ERC2: variants seen among roughly 807,000 people sequenced by gnomAD.
ERC2 encodes ERC protein 2.
A neutral mutation model predicts 114.8 loss-of-function variants in ERC2; 42 were observed. The ratio of observed to expected loss-of-function variants is 0.37; its 90% CI spans 0.29 to 0.47. The LOEUF is 0.47. Ranked by LOEUF, ERC2 falls within the 20% of genes least tolerant of loss-of-function variation. The pLI is 0.99. For missense variants in ERC2, 939 were observed against 1,150.7 expected, an observed-to-expected ratio of 0.82 and a Z score of 2.66; for synonymous variants, 454 against 425.5, an observed-to-expected ratio of 1.07 and a Z score of -0.82.
At chr3:56,316,017 T>C (rs1219482161) in intron 2 of ERC2, among the ~76,000 whole-genome samples, 1 of 152,094 alleles carries the variant, frequency 6.6e-6, no homozygotes, top group East Asian at 1.9e-4. Flanking sequence ...CTATTAGTCC[T>C]GGGTTACATA....
chr3:56,126,004 T>G (rs748346996), intron 6 of ERC2, among the ~76,000 whole-genome samples: 1 of 152,222 alleles, frequency 6.6e-6, no homozygotes, highest in African/African-American at 2.4e-5. Flanking sequence ...ATGAACTCCA[T>G]GTACCCAATT....
intron 2 of ERC2, among the ~76,000 whole-genome samples, chr3:56,404,128 T>A (rs2060621895): frequency 6.6e-6 from 1 of 152,224 alleles, no homozygotes; most frequent in Non-Finnish European, 1.5e-5. Context: ...TGTTCTCAAA[T>A]ATATTCCATG....
chr3:55,588,149 G>T (rs1287015797), intron 17 of ERC2, among the ~76,000 whole-genome samples: 1 of 152,054 alleles, frequency 6.6e-6, no homozygotes, highest in African/African-American at 2.4e-5. Flanking sequence ...AAACATCAGG[G>T]TCGTTTCCTG....
At chr3:56,260,119 A>G (rs1018353667) in intron 3 of ERC2, among the ~76,000 whole-genome samples, 5 of 151,938 alleles carry the variant, frequency 3.3e-5, no homozygotes, top group Non-Finnish European at 7.4e-5. Flanking sequence ...TTCTCATTCC[A>G]CCTTTCCAGC....
chr3:56,091,539 T>G (rs2077790701), intron 6 of ERC2, among the ~76,000 whole-genome samples: 2 of 152,166 alleles, frequency 1.3e-5, no homozygotes, highest in African/African-American at 4.8e-5. Context: ...GATCTACATG[T>G]GGATGGGCAG....
chr3:56,170,605 T>G (rs868426888), intron 4 of ERC2, among the ~76,000 whole-genome samples: 1 of 141,298 alleles, frequency 7.1e-6, no homozygotes, highest in Non-Finnish European at 1.5e-5. Context: ...TTTTTTTTTT[T>G]TTTTTTTTTG....
At chr3:56,426,381 A>G (rs1252247586) in intron 2 of ERC2, among the ~76,000 whole-genome samples, 1 of 152,288 alleles carries the variant, frequency 6.6e-6, no homozygotes, top group African/African-American at 2.4e-5. Context: ...CTCCTGAAGC[A>G]GAGCAGCCTT....
intron 2 of ERC2, among the ~76,000 whole-genome samples, chr3:56,388,530 C>T (rs1471001781): frequency 1.3e-5 from 2 of 152,150 alleles, no homozygotes; most frequent in Non-Finnish European, 2.9e-5. Flanking sequence ...TACCCAGTCT[C>T]AGGTGTTTCT....
intron 1 of ERC2, among the ~76,000 whole-genome samples, chr3:56,456,648 T>C (rs1367888878): frequency 6.6e-6 from 1 of 152,218 alleles, no homozygotes; most frequent in Non-Finnish European, 1.5e-5. Context: ...CTAGCCATAT[T>C]GGGCATGCCT....
chr3:56,363,667 A>G (rs958482078), intron 2 of ERC2, among the ~76,000 whole-genome samples: 2 of 152,176 alleles, frequency 1.3e-5, no homozygotes, highest in African/African-American at 4.8e-5. Flanking sequence ...TAATCTATCA[A>G]TGTAACTTTA....
At chr3:56,434,093 T>C in intron 2 of ERC2, 1 of 481,236 alleles carries the variant, frequency 2.1e-6, no homozygotes, top group South Asian at 4.0e-5. Flanking sequence ...AGTTAGGCAA[T>C]GACAAGTGAT....
At chr3:56,059,690 T>C (rs548880284) in intron 7 of ERC2, among the ~76,000 whole-genome samples, 1 of 152,358 alleles carries the variant, frequency 6.6e-6, no homozygotes, top group South Asian at 2.1e-4. Flanking sequence ...ATTCTTCCTT[T>C]AGTGTTGTAG....
intron 7 of ERC2, among the ~76,000 whole-genome samples, chr3:56,039,215 T>A (rs2074989065): frequency 6.6e-6 from 1 of 151,938 alleles, no homozygotes; most frequent in Non-Finnish European, 1.5e-5. Flanking sequence ...ACCCTGAAAC[T>A]TAAAATAAAA....
intron 1 of ERC2, among the ~76,000 whole-genome samples, chr3:56,443,479 T>C (rs1559509984): frequency 6.6e-6 from 1 of 152,184 alleles, no homozygotes; most frequent in Non-Finnish European, 1.5e-5. Flanking sequence ...ACCAATGTCA[T>C]GGAAGAAGGA....
At chr3:55,833,988 C>T (rs1490376746) in intron 14 of ERC2, among the ~76,000 whole-genome samples, 1 of 150,726 alleles carries the variant, frequency 6.6e-6, no homozygotes, top group Non-Finnish European at 1.5e-5. Flanking sequence ...GACTTTAAAC[C>T]AACAAAGATC....
intron 16 of ERC2, among the ~76,000 whole-genome samples, chr3:55,690,136 T>C (rs986468811): frequency 4.6e-5 from 7 of 152,212 alleles, no homozygotes; most frequent in Admixed American, 4.6e-4. Flanking sequence ...AATAGATGGA[T>C]GCCCAAATCC....
At chr3:55,626,626 C>T (rs1454768002) in intron 17 of ERC2, among the ~76,000 whole-genome samples, 1 of 152,220 alleles carries the variant, frequency 6.6e-6, no homozygotes, top group Non-Finnish European at 1.5e-5. Context: ...TCTCACCAAT[C>T]CTTTGGATAA....
chr3:55,555,343 T>C (rs1368491056), intron 17 of ERC2, among the ~76,000 whole-genome samples: 3 of 152,124 alleles, frequency 2.0e-5, no homozygotes, highest in Non-Finnish European at 2.9e-5. Context: ...AGCTTTAAAT[T>C]GAGAAAGGCA....
rs1262660746 is a variant in ERC2, at chr3:56,340,537, A to T, written c.658-44102T>A. ...GTTTGTGTGTGAGAGAGAGAGAGAG[A>T]GTGAATGTGTGTGTGTGTGTGTGTG... On this transcript the variant is annotated intron_variant, in intron 2 of 17. Transcript: ENST00000288221. Among the ~76,000 whole-genome samples the T allele has an allele frequency of 7.3e-3, 540 of 74,218 alleles. 5 individuals carry two copies. Among genetic ancestry groups the T allele is most frequent in the African/African-American group, 0.023 (509 of 22,382 alleles). 48.7% of individuals were successfully genotyped at this position (74,218 alleles called of 152,430 possible).
Sources: gnomAD v4.1 joint callset for allele counts (sites outside exome capture counted in the v4.1 genomes callset) on GRCh38, gnomAD v4.1.1 for gene constraint, MANE v1.5 for transcripts, NCBI Gene and HGNC (gene_info 2026-07-23, HGNC 2026-07-21) for gene names.